AOPEP: variants seen among roughly 807,000 people sequenced by gnomAD.
AOPEP encodes the protein aminopeptidase O.
In AOPEP, 77 loss-of-function variants were observed where a neutral mutation model predicts 98.1. The ratio of observed to expected loss-of-function variants is 0.78; its 90% CI spans 0.65 to 0.95. AOPEP has a LOEUF of 0.95. Among genes scored for constraint, AOPEP ranks in the 40% least tolerant of loss-of-function variants. The probability of loss-of-function intolerance (pLI) is 0.00; values close to 1 mark genes in which losing one functional copy is unlikely to be tolerated. For synonymous variants in AOPEP, 346 were observed against 365.3 expected (o/e 0.95, Z 0.60); for missense variants, 1,024 against 1,024.7 (o/e 1.00, Z 0.01).
rs1192689008 is a variant in AOPEP at position 95,035,506 on chromosome 9, AATTT to A, written c.2116-25187_2116-25184del. On this transcript the variant is annotated intron_variant, in intron 13 of 16. Transcript: ENST00000375315. Reference sequence around the variant, plus strand: ...AATCTCTTTGACACCAGCTTCAGATAATTTTTTTTTTTTTTTTTTTTTTTTTTTT... The same window carrying A: ...AATCTCTTTGACACCAGCTTCAGATATTTTTTTTTTTTTTTTTTTTTTTTT... 4.1e-5 allele frequency among the ~76,000 whole-genome samples: 5 copies of A among 122,432 alleles called. No individual in the cohort carries two copies. The Admixed American group carries it at 5.1e-4, about 12-fold the overall frequency. The allele number at this position is 122,432 out of a possible 152,430, so 80.3% of individuals were successfully genotyped here.
chr9:94,914,122 T>A (rs530917389), intron 5 of AOPEP, among the ~76,000 whole-genome samples: 1 of 152,244 alleles, frequency 6.6e-6, no homozygotes, highest in Non-Finnish European at 1.5e-5. Flanking sequence ...ATGGGTTGGA[T>A]AGAGCATCCT....
intron 7 of AOPEP, chr9:94,931,653 GC>G: frequency 1.0e-6 from 1 of 1,003,676 alleles, no homozygotes; most frequent in South Asian, 1.4e-5. Flanking sequence ...CTTTCAAGAT[GC>G]CCCATGGTCT....
At chr9:95,106,923 C>G in the AOPEP span, 1 of 802,324 alleles carries the variant, frequency 1.2e-6, no homozygotes, top group South Asian at 1.5e-5. Flanking sequence ...TCCATCCCAG[C>G]TGTCAACCTC....
At chr9:94,947,045 C>T (rs1204777001) in intron 7 of AOPEP, among the ~76,000 whole-genome samples, 1 of 144,982 alleles carries the variant, frequency 6.9e-6, no homozygotes, top group East Asian at 2.1e-4. Context: ...GGCGCGATCT[C>T]GGCTCACTGC....
At chr9:94,870,242 C>T (rs931132868) in intron 5 of AOPEP, among the ~76,000 whole-genome samples, 2 of 152,134 alleles carry the variant, frequency 1.3e-5, no homozygotes, top group East Asian at 3.9e-4. Flanking sequence ...TGCCCGCCTC[C>T]GCCTCCCAAA....
At chr9:94,915,856 G>A (rs2052719721) in intron 5 of AOPEP, among the ~76,000 whole-genome samples, 2 of 152,202 alleles carry the variant, frequency 1.3e-5, no homozygotes, top group South Asian at 4.1e-4. Flanking sequence ...TGAATTCTGA[G>A]TACACTTTAG....
At chr9:95,057,345 G>A (rs2066912224) in intron 13 of AOPEP, among the ~76,000 whole-genome samples, 2 of 152,208 alleles carry the variant, frequency 1.3e-5, no homozygotes, top group Non-Finnish European at 2.9e-5. Context: ...TGATTTCCAC[G>A]TGGGTGGAAG....
chr9:94,740,110 A>G (rs534537308), intron 1 of AOPEP, among the ~76,000 whole-genome samples: 1 of 152,262 alleles, frequency 6.6e-6, no homozygotes, highest in African/African-American at 2.4e-5. Context: ...CAGGAGGCAG[A>G]AAGAGTTGGG....
chr9:94,873,213 T>C (rs1364006393), intron 5 of AOPEP, among the ~76,000 whole-genome samples: 2 of 152,224 alleles, frequency 1.3e-5, no homozygotes, highest in Non-Finnish European at 1.5e-5. Context: ...TCTAGTCCAG[T>C]TATCTGTCAG....
rs2048383488 is a variant in AOPEP at position 94,887,599 on chromosome 9, G to C, written c.1365-36387G>C. On this transcript the variant is annotated intron_variant, in intron 5 of 16. Coordinates refer to ENST00000375315, the MANE Select transcript of AOPEP (RefSeq NM_001193329.3). ...AACTCTAAAGTGCTAAACCTATCAA[G>C]AGGCTGCTACTAGATTGAGAGTGTT... 2.0e-5 allele frequency among the ~76,000 whole-genome samples: 3 copies of C among 152,068 alleles called. No individual in the cohort carries two copies. In the South Asian group the frequency reaches 6.2e-4, roughly 32 times the overall value.
chr9:95,142,562 T>A, the AOPEP span: 5 of 152,232 alleles, frequency 3.3e-5, no homozygotes, highest in Non-Finnish European at 7.3e-5. Context: ...ACGGGGTATT[T>A]ACTGTGGATA....
rs750727446 is a variant in AOPEP at position 95,005,550 on chromosome 9, A to G, written c.2049A>G (p.Lys683=). 2 of 1,613,748 alleles carry G rather than the reference A, an allele frequency of 1.2e-6. No homozygotes were observed. Among genetic ancestry groups the G allele is most frequent in the Admixed American group, 1.7e-5 (1 of 60,018 alleles). Residue 683 remains lysine (K), a synonymous_variant, in exon 13 of 17, where the codon AAA becomes AAG. Transcript: ENST00000375315. ...LARQVRAEVT[K]WIGVNRRPRK... The stretch of plus-strand genomic sequence containing the variant: ...TGGTTTTTGAACCTCAGGTCACGAA[A>G]TGGATTGGAGTGAACCGGAGACCCC...
chr9:95,105,830 G>T, the AOPEP span, among the ~76,000 whole-genome samples: 1 of 152,212 alleles, frequency 6.6e-6, no homozygotes, highest in African/African-American at 2.4e-5. Context: ...AGGCTGAACA[G>T]TACTCTCTTG....
intron 5 of AOPEP, among the ~76,000 whole-genome samples, chr9:94,872,257 G>C (rs1450129664): frequency 6.6e-6 from 1 of 152,146 alleles, no homozygotes; most frequent in African/African-American, 2.4e-5. Flanking sequence ...TCTAAACGGG[G>C]GCAGTAGTCA....
chr9:95,042,680 T>G (rs1264934945), intron 13 of AOPEP, among the ~76,000 whole-genome samples: 1 of 152,206 alleles, frequency 6.6e-6, no homozygotes, highest in East Asian at 1.9e-4. Flanking sequence ...TTCCTCCATC[T>G]TTAAAGCTAG....
At chr9:94,933,809 G>T (rs900438454) in intron 7 of AOPEP, 11 of 325,950 alleles carry the variant, frequency 3.4e-5, no homozygotes, top group Non-Finnish European at 4.8e-5. Flanking sequence ...GTGCAGTGGC[G>T]CAATCTCAGC....
intron 5 of AOPEP, among the ~76,000 whole-genome samples, chr9:94,810,682 A>G (rs1266906982): frequency 6.6e-6 from 1 of 152,166 alleles, no homozygotes; most frequent in Non-Finnish European, 1.5e-5. Context: ...TTTAAAATAC[A>G]TGTATATTTT....
the AOPEP span, among the ~76,000 whole-genome samples, chr9:95,136,971 C>G: frequency 6.6e-6 from 1 of 152,158 alleles, no homozygotes; most frequent in Non-Finnish European, 1.5e-5. Flanking sequence ...CTGCCCTTTA[C>G]CTGCACATCC....
chr9:95,045,356 G>T (rs2065757065), intron 13 of AOPEP, among the ~76,000 whole-genome samples: 1 of 152,246 alleles, frequency 6.6e-6, no homozygotes, highest in Non-Finnish European at 1.5e-5. Flanking sequence ...GCACCCGGCG[G>T]GCCTCCGCTG....
Sources: allele counts gnomAD v4.1 joint callset (sites outside exome capture counted in the v4.1 genomes callset), GRCh38; gene constraint gnomAD v4.1.1; transcripts MANE v1.5; gene names NCBI Gene and HGNC (gene_info 2026-07-23, HGNC 2026-07-21).